SORCS1: variants seen among roughly 807,000 people sequenced by gnomAD.
SORCS1 encodes VPS10 domain-containing receptor SorCS1.
In SORCS1, 60 loss-of-function variants were observed where a neutral mutation model predicts 146.1. The observed-to-expected ratio is 0.41, with a 90% CI of 0.33 to 0.51. The LOEUF is 0.51. Ranked by LOEUF, SORCS1 falls within the 20% of genes least tolerant of loss-of-function variation. The probability of loss-of-function intolerance (pLI) is 0.21; values close to 1 mark genes in which losing one functional copy is unlikely to be tolerated. For synonymous variants in SORCS1, 637 were observed against 584.0 expected, an observed-to-expected ratio of 1.09 and a Z score of -1.31; for missense variants, 1,352 against 1,487.6, an observed-to-expected ratio of 0.91 and a Z score of 1.50.
intron 10 of SORCS1, 135 bp from the exon 11 acceptor site, chr10:106,679,869 G>A: frequency 1.5e-6 from 1 of 651,824 alleles, no homozygotes; most frequent in South Asian, 1.8e-5. Flanking sequence ...ACCACCCATT[G>A]TATCTATACC....
At chr10:107,065,510 C>CTCCTT in intron 1 of SORCS1, among the ~76,000 whole-genome samples, 1 of 86,424 alleles carries the variant, frequency 1.2e-5, no homozygotes, top group African/African-American at 5.2e-5. Context: ...CTCCTCTCCT[C>CTCCTT]TCTTTCTTTC....
chr10:106,836,759 G>C (rs1948808302), intron 2 of SORCS1, among the ~76,000 whole-genome samples: 1 of 151,846 alleles, frequency 6.6e-6, no homozygotes, highest in African/African-American at 2.4e-5. Context: ...AGTATAAGCA[G>C]AAACTCTCAC....
At chr10:106,611,171 G>A (rs1299022235) in intron 22 of SORCS1, among the ~76,000 whole-genome samples, 1 of 152,110 alleles carries the variant, frequency 6.6e-6, no homozygotes, top group Non-Finnish European at 1.5e-5. Flanking sequence ...GCTCAGGGAA[G>A]GATAAAACAC....
At chr10:106,634,847 A>G (rs1243736211) in intron 18 of SORCS1, among the ~76,000 whole-genome samples, 2 of 152,196 alleles carry the variant, frequency 1.3e-5, no homozygotes, top group Non-Finnish European at 2.9e-5. Flanking sequence ...AAATACTTCA[A>G]TCTAATAACT....
chr10:106,586,065 A>G (rs1845216685), intron 24 of SORCS1, among the ~76,000 whole-genome samples: 1 of 152,250 alleles, frequency 6.6e-6, no homozygotes, highest in African/African-American at 2.4e-5. Context: ...TTTGTTACAT[A>G]GCAATAGCTT....
intron 4 of SORCS1, among the ~76,000 whole-genome samples, chr10:106,765,923 A>T (rs1186729234): frequency 6.6e-6 from 1 of 152,140 alleles, no homozygotes; most frequent in Non-Finnish European, 1.5e-5. Context: ...TCTCTTTTGC[A>T]GCTGGGAAAT....
At chr10:106,762,686 C>T (rs1020401524) in intron 4 of SORCS1, among the ~76,000 whole-genome samples, 4 of 152,038 alleles carry the variant, frequency 2.6e-5, no homozygotes, top group Non-Finnish European at 5.9e-5. Flanking sequence ...CGTGAGCCAC[C>T]GTGCCCAGCC....
intron 1 of SORCS1, among the ~76,000 whole-genome samples, chr10:107,034,480 G>T (rs1003967506): frequency 6.6e-6 from 1 of 151,644 alleles, no homozygotes; most frequent in Non-Finnish European, 1.5e-5. Flanking sequence ...AGGAGTTTGA[G>T]ACCAGCCTGG....
intron 5 of SORCS1, among the ~76,000 whole-genome samples, chr10:106,731,879 A>G (rs1395003334): frequency 1.3e-5 from 2 of 152,186 alleles, no homozygotes; most frequent in East Asian, 1.9e-4. Flanking sequence ...AAGACTAAAG[A>G]AAAGGAAAGA....
At chr10:106,925,572 T>C (rs542741261) in intron 2 of SORCS1, among the ~76,000 whole-genome samples, 27 of 152,296 alleles carry the variant, frequency 1.8e-4, no homozygotes, top group Non-Finnish European at 3.7e-4. Flanking sequence ...CCAGCAGCAA[T>C]CTCTTCCCTC....
intron 2 of SORCS1, among the ~76,000 whole-genome samples, chr10:106,889,144 T>G (rs908466111): frequency 5.9e-5 from 9 of 152,162 alleles, no homozygotes; most frequent in Non-Finnish European, 1.0e-4. Context: ...TTGTTACTTT[T>G]TGAGATACTA....
intron 6 of SORCS1, among the ~76,000 whole-genome samples, chr10:106,712,862 G>A (rs532849289): frequency 2.6e-5 from 4 of 152,164 alleles, no homozygotes; most frequent in African/African-American, 4.8e-5. Flanking sequence ...ATCCAATATC[G>A]GATCTGTCAG....
intron 1 of SORCS1, among the ~76,000 whole-genome samples, chr10:107,014,340 T>A (rs1957811690): frequency 1.3e-5 from 2 of 151,878 alleles, no homozygotes; most frequent in African/African-American, 4.8e-5. Context: ...AGAAAACATC[T>A]TCCAGCTTTT....
intron 1 of SORCS1, among the ~76,000 whole-genome samples, chr10:107,098,149 C>T (rs997477053): frequency 6.6e-6 from 1 of 152,132 alleles, no homozygotes; most frequent in Non-Finnish European, 1.5e-5. Flanking sequence ...TTGTTGTTGT[C>T]TATGTCAGGC....
At chr10:106,937,965 A>C (rs935685753) in intron 2 of SORCS1, among the ~76,000 whole-genome samples, 2 of 68,582 alleles carry the variant, frequency 2.9e-5, no homozygotes, top group Non-Finnish European at 4.0e-5. Context: ...CTCTGTCTCA[A>C]AAAGAAGAAA....
chr10:107,141,026 A>C lies in SORCS1; in HGVS notation c.558+22943T>G, dbSNP rs555341677. Among the ~76,000 whole-genome samples the C allele has an allele frequency of 2.6e-5, 4 of 152,348 alleles. No individual in the cohort carries two copies. The South Asian group carries it at 8.3e-4, about 32-fold the overall frequency. On this transcript the variant is annotated intron_variant, in intron 1 of 25. Coordinates refer to ENST00000263054, the MANE Select transcript of SORCS1 (RefSeq NM_052918.5). ...TCCACACTCTGAAGTCCTTCACAGC[A>C]TATTTAGTTCAGTCTCTACAGTCCT... is the stretch of plus-strand genomic sequence containing the variant.
chr10:106,688,148 T>A, intron 10 of SORCS1, 44 bp downstream of exon 10: 3 of 1,590,964 alleles, frequency 1.9e-6, no homozygotes, highest in Non-Finnish European at 2.6e-6. Context: ...TCCATTTCCA[T>A]CCCTCTACTG....
chr10:106,802,456 A>C (rs1430674086), intron 3 of SORCS1, among the ~76,000 whole-genome samples: 1 of 151,080 alleles, frequency 6.6e-6, no homozygotes, highest in Non-Finnish European at 1.5e-5. Context: ...CTCAGCCTCC[A>C]GAGTAGCCAG....
chr10:106,577,432 C>T lies in SORCS1; in HGVS notation c.3495G>A (p.Gln1165=). ...TTGGGGGTTTTCCTTAAATTGCATA[C>T]TGTGCCCCAGCAGATCCCCGCTTTG... The part of the protein sequence containing the change: ...STPKRGSAGA[Q]YAI The change falls in exon 26 of 26, where the codon CAG becomes CAA. Residue 1165 remains glutamine, a synonymous_variant. Coordinates refer to ENST00000263054, the MANE Select transcript of SORCS1 (RefSeq NM_052918.5). 1 of 1,610,434 alleles carries T rather than the reference C, an allele frequency of 6.2e-7. No individual in the cohort carries two copies. The highest frequency in any genetic ancestry group is 1.3e-5 in the African/African-American group (1 of 74,910).
Sources: gnomAD v4.1 joint callset for allele counts (sites outside exome capture counted in the v4.1 genomes callset) on GRCh38, gnomAD v4.1.1 for gene constraint, MANE v1.5 for transcripts, NCBI Gene and HGNC (gene_info 2026-07-23, HGNC 2026-07-21) for gene names.